The following PUDP variants were observed in gnomAD, a reference collection of about 807,000 sequenced individuals.
The protein encoded by PUDP is pseudouridine 5'-phosphatase.
Under a neutral mutation model 9.4 loss-of-function variants are expected in PUDP, and 8 were observed. The ratio of observed to expected loss-of-function variants is 0.85; its 90% confidence interval spans 0.50 to 1.53. PUDP has a LOEUF of 1.53. Among genes scored for constraint, PUDP ranks in the 40% most tolerant of loss-of-function variants. The pLI is 0.00. For missense variants in PUDP, 188 were observed against 189.7 expected, an observed-to-expected ratio of 0.99 and a Z score of 0.05; for synonymous variants, 99 against 80.7, an observed-to-expected ratio of 1.23 and a Z score of -1.22.
intron 1 of PUDP, among the ~76,000 whole-genome samples, chrX:7,139,513 A>T (rs1486384685): frequency 9.1e-6 from 1 of 109,505 alleles, no homozygotes; most frequent in Non-Finnish European, 1.9e-5. Flanking sequence ...ACAGTGCTCA[A>T]GGACCATGTG....
intron 3 of PUDP, among the ~76,000 whole-genome samples, chrX:6,727,334 T>C: frequency 8.9e-6 from 1 of 112,022 alleles, no homozygotes; most frequent in Non-Finnish European, 1.9e-5. Flanking sequence ...AAGTACTTAA[T>C]AGAACACTAT....
chrX:7,138,321 A>G (rs1932769087), intron 1 of PUDP, among the ~76,000 whole-genome samples: 1 of 110,830 alleles, frequency 9.0e-6, no homozygotes, highest in Non-Finnish European at 1.9e-5. Flanking sequence ...GATATTACCA[A>G]TGGGCACCCA....
At chrX:6,731,761 G>A (rs893612220) in intron 3 of PUDP, among the ~76,000 whole-genome samples, 1 of 99,906 alleles carries the variant, frequency 1.0e-5, no homozygotes, top group Non-Finnish European at 2.0e-5. Flanking sequence ...AGGGAGGGAG[G>A]GAGGGAGGGA....
chrX:6,963,425 G>A (rs1021703870), intron 3 of PUDP, among the ~76,000 whole-genome samples: 11 of 111,320 alleles, frequency 9.9e-5, no homozygotes, highest in African/African-American at 3.6e-4. Flanking sequence ...TGAATGCCCT[G>A]TGGGATTGAG....
intron 3 of PUDP, among the ~76,000 whole-genome samples, chrX:6,811,181 C>T (rs1926138338): frequency 9.0e-6 from 1 of 111,679 alleles, no homozygotes; most frequent in African/African-American, 3.3e-5. Flanking sequence ...GATACACTTG[C>T]ACTGACGAAG....
chrX:6,982,404 T>C (rs760872076), intron 1 of PUDP, among the ~76,000 whole-genome samples: 1 of 110,752 alleles, frequency 9.0e-6, no homozygotes, highest in African/African-American at 3.3e-5. Flanking sequence ...GGGACTAGTG[T>C]AGGGGGCATG....
chrX:6,854,513 T>C (rs763688622), intron 3 of PUDP, among the ~76,000 whole-genome samples: 10 of 111,899 alleles, frequency 8.9e-5, no homozygotes, highest in Non-Finnish European at 1.7e-4. Context: ...CAACTCCCCG[T>C]TTAGTCAAAA....
intron 3 of PUDP, among the ~76,000 whole-genome samples, chrX:6,811,158 T>C (rs1926137614): frequency 9.0e-6 from 1 of 111,528 alleles, no homozygotes; most frequent in Admixed American, 9.5e-5. Context: ...CTATAAATGG[T>C]TCAGATAGCA....
rs372948387 is a variant in PUDP, at chrX:6,841,750, C to T, written c.*248-135284G>A. 1.6e-4 allele frequency among the ~76,000 whole-genome samples: 18 copies of T among 111,988 alleles called. No homozygotes were observed. In the South Asian group the frequency reaches 2.2e-3, roughly 14 times the overall value. ...GATGACTTGCAGTCTTATCAACTTCCGGGTCAAATTTCTTTCTTTGTTTTT... is the reference window on the plus strand; with the variant it reads ...GATGACTTGCAGTCTTATCAACTTCTGGGTCAAATTTCTTTCTTTGTTTTT... On this transcript the variant is annotated intron_variant and NMD_transcript_variant, in intron 3 of 3. Transcript: ENST00000655425.
intron 3 of PUDP, among the ~76,000 whole-genome samples, chrX:6,741,077 T>C (rs916012338): frequency 9.2e-6 from 1 of 108,142 alleles, no homozygotes; most frequent in Non-Finnish European, 1.9e-5. Context: ...CAGAATTGCT[T>C]GAACCTGGGA....
At chrX:6,729,021 G>A (rs936402826) in intron 3 of PUDP, among the ~76,000 whole-genome samples, 2 of 111,592 alleles carry the variant, frequency 1.8e-5, no homozygotes, top group Non-Finnish European at 3.8e-5. Flanking sequence ...ATTAGACTAA[G>A]GTTAGGTGTT....
chrX:7,040,873 C>A (rs1246395783), intron 1 of PUDP, among the ~76,000 whole-genome samples: 1 of 110,155 alleles, frequency 9.1e-6, no homozygotes, highest in Non-Finnish European at 1.9e-5. Context: ...CTGTTCTTAG[C>A]TCCCTCTTTC....
chrX:6,994,576 C>T lies in PUDP; in HGVS notation c.205-16233G>A, dbSNP rs972872707. 9.0e-5 allele frequency among the ~76,000 whole-genome samples: 10 copies of T among 111,170 alleles called. 1 individual carries two copies. Among genetic ancestry groups the T allele is most frequent in the Non-Finnish European group, 1.9e-4 (10 of 53,024 alleles). On this transcript the variant is annotated intron_variant and NMD_transcript_variant, in intron 1 of 3. Transcript: ENST00000655425. The stretch of plus-strand genomic sequence containing the variant: ...ATGTTCTCCAGAATTGGTGGCAAAA[C>T]CCCTAAGGCAAAACTTTGCTTGAAA...
chrX:7,117,571 A>G (rs1452037077), intron 1 of PUDP, among the ~76,000 whole-genome samples: 1 of 112,698 alleles, frequency 8.9e-6, no homozygotes, highest in Admixed American at 9.4e-5. Context: ...AGAAATGACA[A>G]AGTTGGAAGT....
At chrX:7,140,270 T>G (rs186472043) in intron 1 of PUDP, among the ~76,000 whole-genome samples, 2 of 112,132 alleles carry the variant, frequency 1.8e-5, no homozygotes, top group East Asian at 5.6e-4. Flanking sequence ...TCTTAATATA[T>G]TAAATGCTGC....
chrX:6,899,972 G>A (rs1927650866), intron 3 of PUDP, among the ~76,000 whole-genome samples: 1 of 111,256 alleles, frequency 9.0e-6, no homozygotes, highest in South Asian at 3.8e-4. Flanking sequence ...CAGCACTTTG[G>A]GAGGCCAGTA....
rs984513322 is a variant in PUDP at position 6,887,144 on chromosome X, TAATTATTTA to T, written c.*247+89980_*247+89988del. 6.8e-5 allele frequency among the ~76,000 whole-genome samples: 5 copies of T among 73,980 alleles called. No homozygotes were observed. The South Asian group carries it at 1.5e-3, about 22-fold the overall frequency. 64.2% of individuals were successfully genotyped at this position (73,980 alleles called of 115,157 possible). Reference sequence around the variant, plus strand: ...ATATATAAGTATATTTGATTTAATTTAATTATTTAATTTAATTTATTTATAATTAAATAT... The same window carrying T: ...ATATATAAGTATATTTGATTTAATTTATTTAATTTATTTATAATTAAATAT... On this transcript the variant is annotated intron_variant and NMD_transcript_variant, in intron 3 of 3. Coordinates refer to the PUDP transcript ENST00000655425.
chrX:6,882,491 G>T (rs1401165830), intron 3 of PUDP, among the ~76,000 whole-genome samples: 3 of 111,596 alleles, frequency 2.7e-5, no homozygotes, highest in Non-Finnish European at 5.6e-5. Context: ...ATATGAAAAT[G>T]ATGTTATGCA....
chrX:7,052,201 T>C (rs886642516), intron 3 of PUDP, among the ~76,000 whole-genome samples: 1 of 110,053 alleles, frequency 9.1e-6, no homozygotes, highest in African/African-American at 3.3e-5. Flanking sequence ...CCGGCTAATT[T>C]TTTTTTGTAT....
Sources: allele counts gnomAD v4.1 joint callset (sites outside exome capture counted in the v4.1 genomes callset), GRCh38; gene constraint gnomAD v4.1.1; transcripts MANE v1.5; gene names NCBI Gene and HGNC (gene_info 2026-07-23, HGNC 2026-07-21).